The following QTGAL variants were observed in gnomAD, a reference collection of about 807,000 sequenced individuals.
The protein encoded by QTGAL is queuosine-tRNA galactosyltransferase, also known as BGnT-like protein 1.
chr17:82,942,552 T>TG, the QTGAL span: 887 of 1,578,968 alleles, frequency 5.6e-4, no homozygotes, highest in Non-Finnish European at 7.2e-4. Context: ...CGCACAGTGG[T>TG]GCCTCCAGCT....
the QTGAL span, among the ~76,000 whole-genome samples, chr17:83,033,464 TAA>T: frequency 6.7e-6 from 1 of 148,352 alleles, no homozygotes. Context: ...TCCAAAATAC[TAA>T]GTTATATGCT....
the QTGAL span, among the ~76,000 whole-genome samples, chr17:83,013,067 G>A: frequency 9.4e-4 from 143 of 152,264 alleles, 1 homozygote; most frequent in South Asian, 0.024. Context: ...TGGTTGCTAC[G>A]GAGAAACATT....
the QTGAL span, among the ~76,000 whole-genome samples, chr17:82,979,569 G>A: frequency 6.6e-6 from 1 of 152,156 alleles, no homozygotes; most frequent in African/African-American, 2.4e-5. Flanking sequence ...CAAATGTACA[G>A]GACTTGTACA....
the QTGAL span, among the ~76,000 whole-genome samples, chr17:83,007,694 T>A: frequency 3.3e-5 from 5 of 152,120 alleles, no homozygotes; most frequent in South Asian, 4.2e-4. Flanking sequence ...GCCCGACCCC[T>A]CCCCATGACT....
the QTGAL span, chr17:82,957,571 T>C: frequency 4.7e-6 from 7 of 1,497,358 alleles, no homozygotes; most frequent in Non-Finnish European, 6.3e-6. Context: ...AGGGACATGA[T>C]GTGTGCTCAG....
chr17:83,002,071 A>G, the QTGAL span, among the ~76,000 whole-genome samples: 3 of 143,642 alleles, frequency 2.1e-5, no homozygotes, highest in Non-Finnish European at 4.6e-5. Flanking sequence ...TTTTTTTTTT[A>G]AATTTCCCAC....
At chr17:82,990,276 C>A in the QTGAL span, among the ~76,000 whole-genome samples, 1 of 152,230 alleles carries the variant, frequency 6.6e-6, no homozygotes, top group African/African-American at 2.4e-5. Flanking sequence ...TATTTTGAAG[C>A]AGTCAGTCAC....
At chr17:83,006,401 A>G in the QTGAL span, 3 of 985,324 alleles carry the variant, frequency 3.0e-6, no homozygotes. This position sits in a 1 kb window ranked among gnomAD's most constrained non-coding sequence, Gnocchi z 5.8. Flanking sequence ...TACTTTGAGA[A>G]AATTGTGAAT....
chr17:82,959,282 T>C, the QTGAL span, among the ~76,000 whole-genome samples: 2 of 151,894 alleles, frequency 1.3e-5, no homozygotes, highest in Non-Finnish European at 2.9e-5. Context: ...GGCCTGTGCA[T>C]GCAGTATGAG....
At chr17:83,036,483 G>A in the QTGAL span, among the ~76,000 whole-genome samples, 1 of 152,228 alleles carries the variant, frequency 6.6e-6, no homozygotes. Context: ...AGACTGTGAT[G>A]TGCACTTTTC....
chr17:83,051,695 A>T, the QTGAL span: 1 of 1,445,810 alleles, frequency 6.9e-7, no homozygotes, highest in Non-Finnish European at 9.1e-7. Context: ...GGACGCGAGG[A>T]CCCAGCCTGC....
At chr17:83,032,878 C>T in the QTGAL span, among the ~76,000 whole-genome samples, 8 of 152,344 alleles carry the variant, frequency 5.3e-5, no homozygotes, top group South Asian at 8.3e-4. Flanking sequence ...AGTTTTACCC[C>T]GTCTGCACAC....
chr17:83,013,806 C>T, the QTGAL span, among the ~76,000 whole-genome samples: 2 of 152,170 alleles, frequency 1.3e-5, no homozygotes, highest in African/African-American at 2.4e-5. Context: ...AGTGTTAAAA[C>T]CCAAGTGATC....
the QTGAL span, among the ~76,000 whole-genome samples, chr17:82,976,597 G>A: frequency 2.6e-5 from 2 of 76,312 alleles, no homozygotes; most frequent in Non-Finnish European, 2.6e-5. Flanking sequence ...GGACAGAGCC[G>A]GACTCCATCC....
chr17:82,983,754 C>A, the QTGAL span, among the ~76,000 whole-genome samples: 1 of 152,142 alleles, frequency 6.6e-6, no homozygotes, highest in Admixed American at 6.5e-5. Context: ...GGCCCCGGGG[C>A]GGAGGAGGGT....
the QTGAL span, among the ~76,000 whole-genome samples, chr17:83,036,488 C>G: frequency 1.3e-5 from 2 of 152,338 alleles, no homozygotes; most frequent in African/African-American, 4.8e-5. Flanking sequence ...GTGATGTGCA[C>G]TTTTCTGTAT....
the QTGAL span, among the ~76,000 whole-genome samples, chr17:83,014,844 G>A: frequency 5.2e-3 from 788 of 152,362 alleles, 6 homozygotes; most frequent in African/African-American, 0.017. Flanking sequence ...GATTTCCAGT[G>A]GACCAACAAC....
chr17:83,018,031 CGTGCTCCGTG>C, the QTGAL span, among the ~76,000 whole-genome samples: 2 of 135,164 alleles, frequency 1.5e-5, no homozygotes, highest in African/African-American at 2.8e-5. Context: ...AGGTACCACA[CGTGCTCCGTG>C]AACACCGTGC....
At chr17:83,025,756 T>C in the QTGAL span, among the ~76,000 whole-genome samples, 1 of 152,202 alleles carries the variant, frequency 6.6e-6, no homozygotes, top group African/African-American at 2.4e-5. Flanking sequence ...ACACAGTAAC[T>C]AAATGCAGCG....
Sources: gnomAD v4.1 joint callset for allele counts (sites outside exome capture counted in the v4.1 genomes callset) on GRCh38, gnomAD v4.1.1 for gene constraint, Gnocchi (gnomAD v3.1) non-coding constraint, MANE v1.5 for transcripts, NCBI Gene and HGNC (gene_info 2026-07-23, HGNC 2026-07-21) for gene names.